The following EDIL3 variants were observed in gnomAD, a reference collection of about 807,000 sequenced individuals.
EDIL3 encodes the protein EGF like and discoidin domains 3.
EDIL3 carries 37 observed loss-of-function variants against 67.4 expected under a neutral mutation model. The observed-to-expected ratio is 0.55, with a 90% CI of 0.42 to 0.72. EDIL3 has a LOEUF of 0.72. Among genes scored for constraint, EDIL3 ranks in the 30% least tolerant of loss-of-function variants. The probability of loss-of-function intolerance (pLI) is 0.00; values close to 1 mark genes in which losing one functional copy is unlikely to be tolerated. For missense variants in EDIL3, 527 were observed against 586.3 expected (o/e 0.90, Z 1.04); for synonymous variants, 195 against 196.3 (o/e 0.99, Z 0.05).
chr5:84,384,442 G>T lies in EDIL3; in HGVS notation c.-68C>A. On this transcript the variant is annotated 5_prime_UTR_variant, in exon 1 of 11. Transcript: ENST00000296591. ...CGCGGAGGGCAGTGTAGCCGAGGTGGCAGCGCAGGGCAGCAGCAGACTCCG... is the reference window on the plus strand; with the variant it reads ...CGCGGAGGGCAGTGTAGCCGAGGTGTCAGCGCAGGGCAGCAGCAGACTCCG... 6.7e-7 allele frequency: 1 copy of T among 1,482,286 alleles called. No individual in the cohort carries two copies. Among genetic ancestry groups the T allele is most frequent in the Admixed American group, 1.7e-5 (1 of 58,000 alleles). The allele number at this position is 1,482,286 out of a possible 1,614,324, so 91.8% of individuals were successfully genotyped here.
chr5:84,021,075 T>A (rs1466028514), intron 9 of EDIL3, among the ~76,000 whole-genome samples: 1 of 152,178 alleles, frequency 6.6e-6, no homozygotes, highest in Admixed American at 6.6e-5. Flanking sequence ...ACAGTTGTAA[T>A]GTCTCCTTTT....
rs1486974325 is a variant in EDIL3, at chr5:84,137,480, TG to T, written c.356-127del. On this transcript the variant is annotated intron_variant, in intron 4 of 10. Coordinates refer to ENST00000296591, the MANE Select transcript of EDIL3 (RefSeq NM_005711.5). ...ATTCCTTTGTGTGTGTGTAGGCATG[TG>T]TGTGTTTAGTCAGTAATACAAATGC... The T allele has an allele frequency of 1.2e-5, 9 of 725,100 alleles. No homozygotes were observed. In the African/African-American group the frequency reaches 1.4e-4, roughly 12 times the overall value. The allele number at this position is 725,100 out of a possible 1,614,324, so 44.9% of individuals were successfully genotyped here.
At chr5:84,002,200 T>C (rs994047073) in intron 9 of EDIL3, among the ~76,000 whole-genome samples, 13 of 152,174 alleles carry the variant, frequency 8.5e-5, no homozygotes, top group Non-Finnish European at 1.6e-4. Context: ...GTTCAATTAA[T>C]GCTAAAAAGG....
chr5:84,071,148 C>T (rs1746734234), intron 6 of EDIL3, among the ~76,000 whole-genome samples: 1 of 152,088 alleles, frequency 6.6e-6, no homozygotes, highest in South Asian at 2.1e-4. Flanking sequence ...TGATGAGGTC[C>T]TGGTAAGAGC....
At chr5:84,102,525 C>A (rs150875640) in intron 6 of EDIL3, among the ~76,000 whole-genome samples, 5 of 151,616 alleles carry the variant, frequency 3.3e-5, no homozygotes, top group African/African-American at 1.2e-4. Flanking sequence ...AATCAACATA[C>A]AAAAATTACT....
chr5:84,202,614 C>T (rs1442684026), intron 3 of EDIL3, among the ~76,000 whole-genome samples: 1 of 151,994 alleles, frequency 6.6e-6, no homozygotes, highest in Non-Finnish European at 1.5e-5. Context: ...TTATACCTGG[C>T]AGATAAATTG....
chr5:84,148,941 A>G (rs1394648685), intron 4 of EDIL3, among the ~76,000 whole-genome samples: 1 of 145,330 alleles, frequency 6.9e-6, no homozygotes, highest in Non-Finnish European at 1.5e-5. Flanking sequence ...TTTCAGGCAG[A>G]CCCTCTTGTT....
intron 6 of EDIL3, among the ~76,000 whole-genome samples, chr5:84,083,953 G>T (rs1032754776): frequency 2.0e-5 from 3 of 151,996 alleles, no homozygotes; most frequent in Non-Finnish European, 2.9e-5. Flanking sequence ...GGATGATTCT[G>T]GTCTTCAGTA....
intron 4 of EDIL3, among the ~76,000 whole-genome samples, chr5:84,172,149 C>T (rs147536724): frequency 3.9e-5 from 6 of 152,228 alleles, no homozygotes; most frequent in East Asian, 1.9e-4. Context: ...GAAAATTTCT[C>T]GATTCTAGTC....
chr5:83,984,746 C>T (rs1281531032), intron 9 of EDIL3, among the ~76,000 whole-genome samples: 3 of 151,868 alleles, frequency 2.0e-5, no homozygotes, highest in Admixed American at 6.6e-5. Context: ...CTGAGGGTCC[C>T]GAAAGACAGG....
intron 1 of EDIL3, among the ~76,000 whole-genome samples, chr5:84,380,734 A>G (rs1285854511): frequency 6.6e-6 from 1 of 152,138 alleles, no homozygotes; most frequent in Non-Finnish European, 1.5e-5. Flanking sequence ...TAGCTAATTA[A>G]AACTTTATCT....
intron 2 of EDIL3, among the ~76,000 whole-genome samples, chr5:84,233,414 C>A (rs186815204): frequency 1.3e-5 from 2 of 152,284 alleles, no homozygotes; most frequent in African/African-American, 4.8e-5. Context: ...GGGAAACAGC[C>A]ATGGGTACCA....
At chr5:84,319,983 A>G (rs1746600583) in intron 1 of EDIL3, among the ~76,000 whole-genome samples, 2 of 152,052 alleles carry the variant, frequency 1.3e-5, no homozygotes, top group African/African-American at 4.8e-5. Flanking sequence ...GGGGAACATC[A>G]CACACCAGGG....
At chr5:84,075,132 A>C (rs1330945167) in intron 6 of EDIL3, among the ~76,000 whole-genome samples, 1 of 148,020 alleles carries the variant, frequency 6.8e-6, no homozygotes, top group Non-Finnish European at 1.5e-5. Context: ...TCTCACTCAT[A>C]GGTGGGAATT....
At chr5:84,356,268 T>C (rs1457592828) in intron 1 of EDIL3, among the ~76,000 whole-genome samples, 1 of 152,250 alleles carries the variant, frequency 6.6e-6, no homozygotes, top group East Asian at 1.9e-4. Flanking sequence ...CATTGCTGTC[T>C]AATTTAGTTG....
At chr5:84,136,325 C>T (rs561860608) in intron 5 of EDIL3, among the ~76,000 whole-genome samples, 67 of 152,236 alleles carry the variant, frequency 4.4e-4, no homozygotes, top group Admixed American at 1.1e-3. Context: ...TCAGATCATA[C>T]GATATACATC....
chr5:84,156,173 C>G (rs1255938539), intron 4 of EDIL3, among the ~76,000 whole-genome samples: 3 of 152,084 alleles, frequency 2.0e-5, no homozygotes, highest in African/African-American at 4.8e-5. Flanking sequence ...ATTTTGGAGA[C>G]AGTAGTCTTC....
chr5:84,216,400 C>T (rs1212399726), intron 3 of EDIL3, among the ~76,000 whole-genome samples: 1 of 151,934 alleles, frequency 6.6e-6, no homozygotes, highest in Non-Finnish European at 1.5e-5. Flanking sequence ...ATATGCATAA[C>T]AAAAAAGTTG....
intron 1 of EDIL3, among the ~76,000 whole-genome samples, chr5:84,339,794 A>C (rs2112175585): frequency 6.6e-6 from 1 of 152,184 alleles, no homozygotes; most frequent in Non-Finnish European, 1.5e-5. Flanking sequence ...CTAGAAGATA[A>C]GTCTAAGAAT....
Sources: allele counts gnomAD v4.1 joint callset (sites outside exome capture counted in the v4.1 genomes callset), GRCh38; gene constraint gnomAD v4.1.1; transcripts MANE v1.5; gene names NCBI Gene and HGNC (gene_info 2026-07-23, HGNC 2026-07-21).